CDH17: variants seen among roughly 807,000 people sequenced by gnomAD.
CDH17 encodes cadherin-17.
In CDH17, 67 loss-of-function variants were observed where a neutral mutation model predicts 86.3. The observed-to-expected ratio is 0.78, with a 90% CI of 0.64 to 0.95. The LOEUF (loss-of-function observed/expected upper bound fraction) is 0.95, where lower values mean the gene tolerates loss of function less well. Among genes scored for constraint, CDH17 ranks in the 40% least tolerant of loss-of-function variants. The pLI is 0.00. For synonymous variants in CDH17, 367 were observed against 366.4 expected, an observed-to-expected ratio of 1.00 and a Z score of -0.02; for missense variants, 993 against 1,017.6, an observed-to-expected ratio of 0.98 and a Z score of 0.33.
chr8:94,206,135 C>T (rs1331389713), intron 1 of CDH17, among the ~76,000 whole-genome samples: 1 of 151,340 alleles, frequency 6.6e-6, no homozygotes, highest in Non-Finnish European at 1.5e-5. Flanking sequence ...AAAAATCAAG[C>T]ATAGCTTAGC....
intron 3 of CDH17, among the ~76,000 whole-genome samples, chr8:94,186,751 C>T (rs1039598050): frequency 1.3e-5 from 2 of 152,220 alleles, no homozygotes; most frequent in South Asian, 2.1e-4. Flanking sequence ...CCTTGCAGCT[C>T]ATGCTCTGAG....
At chr8:94,151,797 C>A (rs1812860070) in intron 13 of CDH17, 71 bp downstream of exon 13, 4 of 1,595,150 alleles carry the variant, frequency 2.5e-6, no homozygotes, top group South Asian at 1.1e-5. Context: ...TCAGTGCAGG[C>A]CAGCTCCTCC....
chr8:94,178,213 C>T (rs1349662945), intron 3 of CDH17, among the ~76,000 whole-genome samples: 3 of 152,104 alleles, frequency 2.0e-5, no homozygotes, highest in Non-Finnish European at 4.4e-5. Context: ...AAAATACCGA[C>T]CACCATATTC....
At chr8:94,170,603 G>A (rs1813251016) in intron 8 of CDH17, 56 bp from the exon 9 acceptor site, 3 of 1,559,282 alleles carry the variant, frequency 1.9e-6, no homozygotes, top group Admixed American at 1.9e-5. Flanking sequence ...TCTGTCAAAA[G>A]CAGAGAAAAT....
intron 17 of CDH17, among the ~76,000 whole-genome samples, chr8:94,129,039 G>C (rs1812357159): frequency 6.6e-6 from 1 of 152,196 alleles, no homozygotes; most frequent in South Asian, 2.1e-4. Flanking sequence ...TGGCAGAAAA[G>C]TCTGGATGCT....
At chr8:94,176,787 T>G in intron 4 of CDH17, 108 bp from the exon 5 acceptor site, 3 of 1,131,742 alleles carry the variant, frequency 2.7e-6, no homozygotes, top group Non-Finnish European at 3.7e-6. Flanking sequence ...GCCTGGTGAC[T>G]GTAGGAGAGA....
chr8:94,162,004 A>T, intron 11 of CDH17, 82 bp downstream of exon 11: 1 of 876,282 alleles, frequency 1.1e-6, no homozygotes, highest in Non-Finnish European at 1.9e-6. Context: ...TTTCCTAGCT[A>T]CTGTCTGTGT....
At chr8:94,187,685 C>T (rs1323749413) in intron 3 of CDH17, among the ~76,000 whole-genome samples, 1 of 152,058 alleles carries the variant, frequency 6.6e-6, no homozygotes, top group Admixed American at 6.5e-5. Context: ...GCCTCCTCTC[C>T]CACCTGCTCC....
chr8:94,149,438 GAT>G (rs1327387984), intron 13 of CDH17, among the ~76,000 whole-genome samples: 1 of 152,176 alleles, frequency 6.6e-6, no homozygotes, highest in African/African-American at 2.4e-5. Context: ...AGGCAAGTGA[GAT>G]AGACAGATAA....
chr8:94,209,590 A>G (rs1814089337), upstream of CDH17, among the ~76,000 whole-genome samples: 3 of 152,116 alleles, frequency 2.0e-5, no homozygotes, highest in Admixed American at 2.0e-4. Context: ...AGGACCCTGC[A>G]AGTGAAACCA....
chr8:94,149,367 A>G (rs1231019843), intron 13 of CDH17, among the ~76,000 whole-genome samples: 4 of 152,168 alleles, frequency 2.6e-5, no homozygotes, highest in Non-Finnish European at 5.9e-5. Flanking sequence ...ACAAACATCT[A>G]TTGAGTGCTG....
intron 7 of CDH17, among the ~76,000 whole-genome samples, chr8:94,171,974 T>C (rs1005786082): frequency 8.5e-3 from 809 of 95,670 alleles, no homozygotes; most frequent in African/African-American, 0.015. Context: ...CATCTCCCCC[T>C]CCCCCCTCCC....
At chr8:94,131,018 A>C (rs1812405952) in intron 15 of CDH17, 26 bp from the exon 16 acceptor site, 1 of 1,188,612 alleles carries the variant, frequency 8.4e-7, no homozygotes, top group African/African-American at 1.5e-5. Context: ...AAAAAAATGA[A>C]AATACAACTT....
chr8:94,132,281 T>C (rs1812436062), intron 15 of CDH17, among the ~76,000 whole-genome samples: 1 of 152,202 alleles, frequency 6.6e-6, no homozygotes, highest in South Asian at 2.1e-4. Flanking sequence ...TGAACTAATT[T>C]ACACTCCCAC....
intron 9 of CDH17, among the ~76,000 whole-genome samples, chr8:94,166,416 T>C (rs774184634): frequency 3.3e-5 from 5 of 152,216 alleles, no homozygotes; most frequent in Non-Finnish European, 7.3e-5. Context: ...ACATTTTACT[T>C]TCATTACCTC....
At chr8:94,186,170 C>T (rs1813576741) in intron 3 of CDH17, among the ~76,000 whole-genome samples, 1 of 152,148 alleles carries the variant, frequency 6.6e-6, no homozygotes, top group African/African-American at 2.4e-5. Context: ...TCTGAGACCT[C>T]TCCACCTGGC....
Position 94,177,714 on chromosome 8 carries a change from G to A in CDH17, c.158C>T (p.Ala53Val). 2 of 1,613,454 alleles carry A rather than the reference G, an allele frequency of 1.2e-6. No individual in the cohort carries two copies. Among genetic ancestry groups the A allele is most frequent in the South Asian group, 2.2e-5 (2 of 91,002 alleles). The change falls in exon 4 of 18, where the codon GCC becomes GTC. Residue 53 changes from alanine (A) to valine (V), a missense_variant. Transcript: ENST00000027335. ...EPSQIIFQFK[A>V]NPPAVTFELT... Reference sequence around the variant, plus strand: ...TTCAAAAGTCACAGCAGGAGGATTGGCCTTAAACTGGGGAAAAAGCAAAAA... The same window carrying A: ...TTCAAAAGTCACAGCAGGAGGATTGACCTTAAACTGGGGAAAAAGCAAAAA...
Position 94,146,140 on chromosome 8 carries a change from T to G in CDH17, c.1955A>C (p.Glu652Ala). 6.3e-7 allele frequency: 1 copy of G among 1,595,616 alleles called. No homozygotes were observed. Residue 652 changes from glutamate to alanine, a missense_variant, in exon 15 of 18, where the codon GAG becomes GCG. Physicochemically the swap from Glu to Ala is moderately radical, Grantham distance 107. Transcript: ENST00000027335. ...VGGSSLSSVS[E>A]FHLILMDVND... Reference sequence around the variant, plus strand: ...CACATCCATAAGGATCAGGTGGAACTCTGACACAGAGCTCAAGGAAGACCC... The same window carrying G: ...CACATCCATAAGGATCAGGTGGAACGCTGACACAGAGCTCAAGGAAGACCC...
chr8:94,151,784 G>C, intron 13 of CDH17, 84 bp downstream of exon 13: 1 of 1,551,410 alleles, frequency 6.4e-7, no homozygotes, highest in Admixed American at 1.7e-5. Context: ...GTCAGCCCTG[G>C]AGTCAGTGCA....
Sources: gnomAD v4.1 joint callset for allele counts (sites outside exome capture counted in the v4.1 genomes callset) on GRCh38, gnomAD v4.1.1 for gene constraint, MANE v1.5 for transcripts, NCBI Gene and HGNC (gene_info 2026-07-23, HGNC 2026-07-21) for gene names.